Variants in CACNA1C observed in about 807,000 individuals in gnomAD.
CACNA1C encodes calcium voltage-gated channel subunit alpha1 C.
A neutral mutation model predicts 229.0 loss-of-function variants in CACNA1C; 30 were observed. The observed-to-expected ratio is 0.13, with a 90% CI of 0.10 to 0.18. CACNA1C has a LOEUF of 0.18. Among genes scored for constraint, CACNA1C ranks in the 10% least tolerant of loss-of-function variants. CACNA1C has a pLI of 1.00. For synonymous variants in CACNA1C, 1,114 were observed against 1,132.5 expected, an observed-to-expected ratio of 0.98 and a Z score of 0.33; for missense variants, 1,658 against 2,845.0, an observed-to-expected ratio of 0.58 and a Z score of 9.49.
At chr12:2,661,763 A>T (rs1279296837) in intron 34 of CACNA1C, among the ~76,000 whole-genome samples, 2 of 152,238 alleles carry the variant, frequency 1.3e-5, no homozygotes, top group African/African-American at 2.4e-5. Context: ...TTCAAGTAGA[A>T]AATCCATGCA....
chr12:2,155,480 T>G (rs578001771), intron 3 of CACNA1C, among the ~76,000 whole-genome samples: 8 of 152,360 alleles, frequency 5.3e-5, no homozygotes, highest in African/African-American at 1.7e-4. Flanking sequence ...GTTTTTATTG[T>G]CATTTTCTCA....
intron 3 of CACNA1C, among the ~76,000 whole-genome samples, chr12:2,202,964 C>G (rs1372319598): frequency 6.6e-6 from 1 of 152,172 alleles, no homozygotes; most frequent in Non-Finnish European, 1.5e-5. Context: ...CAAGTACAAT[C>G]CTAGAAACCT....
intron 7 of CACNA1C, among the ~76,000 whole-genome samples, chr12:2,495,875 A>G (rs895275246): frequency 7.2e-5 from 11 of 152,234 alleles, no homozygotes; most frequent in Admixed American, 6.5e-4. Context: ...TTGGGTATTC[A>G]TGATAGAAGC....
In CACNA1C at chr12:2,602,631, TG is replaced by T. The variant is rs1272631659; in HGVS notation, c.2960+672del. 0.28 allele frequency among the ~76,000 whole-genome samples: 10,719 copies of T among 38,302 alleles called. 467 individuals carry two copies. The highest frequency in any genetic ancestry group is 0.54 in the East Asian group (974 of 1,806). The allele number at this position is 38,302 out of a possible 152,430, so 25.1% of individuals were successfully genotyped here. On this transcript the variant is annotated intron_variant, in intron 22 of 46. Transcript: ENST00000399655. The surrounding 1 kb of genome is among the most constrained non-coding windows in gnomAD (Gnocchi z 4.4). ...TGTGTGACTGTGTATATTTGTGTCTTGTGTGTGTGTGTGTGTGTGTGTGTGT... is the reference window on the plus strand; with the variant it reads ...TGTGTGACTGTGTATATTTGTGTCTTTGTGTGTGTGTGTGTGTGTGTGTGT...
intron 3 of CACNA1C, among the ~76,000 whole-genome samples, chr12:2,155,830 A>C (rs942625000): frequency 6.6e-6 from 1 of 152,196 alleles, no homozygotes; most frequent in Non-Finnish European, 1.5e-5. Flanking sequence ...CCAGGGTTTA[A>C]TTATGCTCCG....
At chr12:2,624,130 GGTTT>G (rs1175050962) in intron 29 of CACNA1C, among the ~76,000 whole-genome samples, 3 of 152,170 alleles carry the variant, frequency 2.0e-5, no homozygotes, top group African/African-American at 7.2e-5. Context: ...CTTGTTTGGG[GGTTT>G]GTTTTGTGTC....
intron 5 of CACNA1C, among the ~76,000 whole-genome samples, chr12:2,463,412 G>A (rs1251126521): frequency 2.0e-5 from 3 of 152,168 alleles, no homozygotes; most frequent in Non-Finnish European, 4.4e-5. Flanking sequence ...GATGCTAAGT[G>A]TGTTCTAGAG....
intron 8 of CACNA1C, among the ~76,000 whole-genome samples, chr12:2,508,717 C>T (rs764528172): frequency 1.3e-5 from 2 of 152,182 alleles, no homozygotes; most frequent in Non-Finnish European, 2.9e-5. Flanking sequence ...GAGGGTTAGA[C>T]CTCTTCTATC....
chr12:2,621,004 A>G (rs911962565), intron 29 of CACNA1C, among the ~76,000 whole-genome samples: 2 of 152,220 alleles, frequency 1.3e-5, no homozygotes, highest in Non-Finnish European at 2.9e-5. Flanking sequence ...TTTCTGCCAT[A>G]CAAGTCTCCT....
At chr12:2,588,976 G>A (rs1000116549) in intron 18 of CACNA1C, among the ~76,000 whole-genome samples, 20 of 152,282 alleles carry the variant, frequency 1.3e-4, no homozygotes, top group African/African-American at 4.3e-4. Flanking sequence ...ATGAGGTGGT[G>A]GAGTCTGGGG....
chr12:2,061,526 C>T (rs185105291), intron 1 of CACNA1C, among the ~76,000 whole-genome samples: 6 of 128,484 alleles, frequency 4.7e-5, no homozygotes, highest in Admixed American at 1.5e-4. Context: ...GCTCCCAGGA[C>T]GGTGGAGCCA....
intron 3 of CACNA1C, among the ~76,000 whole-genome samples, chr12:2,251,420 G>T (rs2075572330): frequency 6.6e-6 from 1 of 152,180 alleles, no homozygotes; most frequent in Non-Finnish European, 1.5e-5. Context: ...ATTCTCCCCT[G>T]CAAGGGGAGA....
At chr12:2,291,976 T>C (rs529109826) in intron 3 of CACNA1C, among the ~76,000 whole-genome samples, 11 of 152,336 alleles carry the variant, frequency 7.2e-5, no homozygotes, top group Admixed American at 3.3e-4. Flanking sequence ...GTCGTTTAAG[T>C]TTCCCACTGT....
At chr12:2,272,901 A>G (rs1012872720) in intron 3 of CACNA1C, among the ~76,000 whole-genome samples, 1 of 152,274 alleles carries the variant, frequency 6.6e-6, no homozygotes, top group African/African-American at 2.4e-5. Flanking sequence ...TAGGCAAACA[A>G]GACTCTGATG....
At chr12:2,249,001 G>A (rs1365422801) in intron 3 of CACNA1C, among the ~76,000 whole-genome samples, 2 of 152,180 alleles carry the variant, frequency 1.3e-5, no homozygotes, top group African/African-American at 4.8e-5. Context: ...TATTATTATG[G>A]CCATGCTTGA....
chr12:2,004,712 C>T (rs1225330067), intron 1 of CACNA1C: 2 of 469,562 alleles, frequency 4.3e-6, no homozygotes, highest in Admixed American at 4.0e-5. Context: ...TTTCTACGCG[C>T]TCGAGCCTTT....
chr12:2,645,938 G>A lies in CACNA1C; in HGVS notation c.3913-2537G>A, dbSNP rs142332429. Among the ~76,000 whole-genome samples the A allele has an allele frequency of 5.8e-4, 89 of 152,232 alleles. 1 individual carries two copies. The East Asian group carries it at 0.014, about 24-fold the overall frequency. On this transcript the variant is annotated intron_variant, in intron 30 of 46. Coordinates refer to ENST00000399655, the MANE Select transcript of CACNA1C (RefSeq NM_000719.7). ...GTCTCTTTGGAGAGTTGTCATTACC[G>A]GGGCAGGAGAATGCCACACAGACAT...
chr12:2,324,592 G>T (rs563657600), intron 3 of CACNA1C, among the ~76,000 whole-genome samples: 2 of 152,236 alleles, frequency 1.3e-5, no homozygotes, highest in Non-Finnish European at 2.9e-5. Flanking sequence ...GCTGGAGCAG[G>T]CATGCTGCCA....
chr12:2,475,927 G>C (rs1483032216), intron 5 of CACNA1C, among the ~76,000 whole-genome samples: 1 of 152,152 alleles, frequency 6.6e-6, no homozygotes, highest in Non-Finnish European at 1.5e-5. Context: ...TTGCATGGCT[G>C]TTTGTTTTGT....
Sources: allele counts gnomAD v4.1 joint callset (sites outside exome capture counted in the v4.1 genomes callset), GRCh38; gene constraint gnomAD v4.1.1; non-coding constraint Gnocchi (gnomAD v3.1); transcripts MANE v1.5; gene names NCBI Gene and HGNC (gene_info 2026-07-23, HGNC 2026-07-21).